FSTL5: variants seen among roughly 807,000 people sequenced by gnomAD.
FSTL5 encodes follistatin like 5.
Under a neutral mutation model 89.1 loss-of-function variants are expected in FSTL5, and 62 were observed. The ratio of observed to expected loss-of-function variants is 0.70; its 90% confidence interval spans 0.57 to 0.86. The LOEUF is 0.86. Ranked by LOEUF, FSTL5 falls within the 40% of genes least tolerant of loss-of-function variation. FSTL5 has a pLI of 0.00. For synonymous variants in FSTL5, 383 were observed against 346.2 expected, an observed-to-expected ratio of 1.11 and a Z score of -1.18; for missense variants, 1,057 against 1,001.6, an observed-to-expected ratio of 1.06 and a Z score of -0.75.
intron 4 of FSTL5, among the ~76,000 whole-genome samples, chr4:161,800,180 A>G (rs924708165): frequency 6.6e-6 from 1 of 151,756 alleles, no homozygotes; most frequent in African/African-American, 2.4e-5. Context: ...AAAACAGGTG[A>G]TCTCTTATTT....
intron 2 of FSTL5, among the ~76,000 whole-genome samples, chr4:162,063,760 C>T (rs778477028): frequency 5.9e-5 from 9 of 151,844 alleles, no homozygotes; most frequent in Non-Finnish European, 1.3e-4. Context: ...TGAATTATGA[C>T]AATAATGCTT....
At chr4:161,897,179 G>A (rs1211790772) in intron 4 of FSTL5, among the ~76,000 whole-genome samples, 2 of 151,536 alleles carry the variant, frequency 1.3e-5, no homozygotes, top group African/African-American at 2.4e-5. Context: ...TACTGTTCAT[G>A]AAATAAAAAA....
chr4:161,545,844 T>A (rs970776740), intron 8 of FSTL5, among the ~76,000 whole-genome samples: 4 of 151,848 alleles, frequency 2.6e-5, no homozygotes, highest in Admixed American at 6.6e-5. Context: ...GTTGATGAAA[T>A]CAAATTTGCT....
rs146643619 is a variant in FSTL5 at position 161,579,455 on chromosome 4, C to T, written c.1015+8000G>A. 1.2e-3 allele frequency among the ~76,000 whole-genome samples: 176 copies of T among 152,178 alleles called. 3 individuals are homozygous for T. The East Asian group carries it at 0.031, about 26-fold the overall frequency. ...GAATGAGGCTGGGCACGGTGGCTCA[C>T]ACTTGTAATCCCAGCACTTTGGGAA... On this transcript the variant is annotated intron_variant, in intron 8 of 15. Coordinates refer to ENST00000306100, the MANE Select transcript of FSTL5 (RefSeq NM_020116.5).
At chr4:161,557,380 A>G (rs1732430251) in intron 8 of FSTL5, among the ~76,000 whole-genome samples, 1 of 151,610 alleles carries the variant, frequency 6.6e-6, no homozygotes, top group South Asian at 2.1e-4. Context: ...TTTCATGACA[A>G]GCATACTAAA....
At chr4:161,864,863 T>G (rs1274534143) in intron 4 of FSTL5, among the ~76,000 whole-genome samples, 1 of 97,062 alleles carries the variant, frequency 1.0e-5, no homozygotes, top group Non-Finnish European at 2.0e-5. Context: ...AGAGCAAGAC[T>G]TCGTCTCAAA....
chr4:161,847,233 T>C (rs1454845935), intron 4 of FSTL5, among the ~76,000 whole-genome samples: 1 of 152,216 alleles, frequency 6.6e-6, no homozygotes, highest in Non-Finnish European at 1.5e-5. Context: ...TCCAAAGTTT[T>C]ATAAAGGATC....
intron 6 of FSTL5, among the ~76,000 whole-genome samples, chr4:161,679,535 A>T (rs888418996): frequency 6.6e-6 from 1 of 151,854 alleles, no homozygotes; most frequent in Non-Finnish European, 1.5e-5. Context: ...TTCCTACACT[A>T]TGTTGGCTCT....
chr4:162,139,853 T>C (rs1732657895), intron 1 of FSTL5, among the ~76,000 whole-genome samples: 1 of 152,084 alleles, frequency 6.6e-6, no homozygotes, highest in Non-Finnish European at 1.5e-5. Context: ...AAGGATGCCA[T>C]GAAGAGAGTA....
Position 161,421,130 on chromosome 4 carries a change from A to G in FSTL5, c.1841+33874T>C, listed in dbSNP as rs1453831351. Among the ~76,000 whole-genome samples, 3 of 152,220 alleles carry G rather than the reference A, an allele frequency of 2.0e-5. No homozygotes were observed. The South Asian group carries it at 6.2e-4, about 32-fold the overall frequency. ...GCCGAGGCAGGCGGATCACGAGGTC[A>G]GGAGATCGAGACCATCCTGGCTAAC... On this transcript the variant is annotated intron_variant, in intron 15 of 15. Transcript: ENST00000306100.
At chr4:161,913,977 C>T (rs778968365) in intron 4 of FSTL5, among the ~76,000 whole-genome samples, 2 of 152,158 alleles carry the variant, frequency 1.3e-5, no homozygotes, top group African/African-American at 4.8e-5. Flanking sequence ...TTAGTTAAAA[C>T]TTCGGGGGAC....
intron 3 of FSTL5, among the ~76,000 whole-genome samples, chr4:162,029,817 G>A (rs1243567061): frequency 1.3e-5 from 2 of 151,692 alleles, no homozygotes; most frequent in African/African-American, 4.8e-5. Flanking sequence ...TATGCTAAAT[G>A]TACCTAATGT....
At chr4:161,607,318 A>G (rs887056062) in intron 7 of FSTL5, among the ~76,000 whole-genome samples, 13 of 152,196 alleles carry the variant, frequency 8.5e-5, no homozygotes, top group African/African-American at 2.9e-4. Context: ...TTCTGTGTGC[A>G]GCTAGATGAC....
chr4:161,490,274 T>G (rs1176449385), intron 12 of FSTL5, among the ~76,000 whole-genome samples: 1 of 152,164 alleles, frequency 6.6e-6, no homozygotes, highest in Non-Finnish European at 1.5e-5. Context: ...TTTCTCCCCC[T>G]TAAATGTTTC....
chr4:161,713,967 A>G (rs1206668585), intron 6 of FSTL5, among the ~76,000 whole-genome samples: 2 of 152,312 alleles, frequency 1.3e-5, no homozygotes, highest in Middle Eastern at 3.4e-3. Context: ...TTCTTTACCC[A>G]TAACTGTGTG....
intron 2 of FSTL5, among the ~76,000 whole-genome samples, chr4:162,100,653 A>G (rs1453315501): frequency 6.6e-6 from 1 of 152,134 alleles, no homozygotes; most frequent in African/African-American, 2.4e-5. Flanking sequence ...ACCTATTACA[A>G]ACTATGAACT....
chr4:161,963,960 G>T (rs1031477652), intron 3 of FSTL5, among the ~76,000 whole-genome samples: 4 of 151,746 alleles, frequency 2.6e-5, no homozygotes, highest in Admixed American at 2.6e-4. Flanking sequence ...GAATTCTGAG[G>T]TTATATACAG....
In FSTL5 at chr4:161,897,395, C is replaced by T. The variant is rs1194974158; in HGVS notation, c.409+23009G>A. Among the ~76,000 whole-genome samples, 3 of 150,932 alleles carry T rather than the reference C, an allele frequency of 2.0e-5. No homozygotes were observed. In the East Asian group the frequency reaches 5.8e-4, roughly 29 times the overall value. ...GATACCTACAACTTGTTATATTTCA[C>T]AAAAGGGGAGTTTTTGCTTGATAAA... On this transcript the variant is annotated intron_variant, in intron 4 of 15. Transcript: ENST00000306100.
chr4:161,827,000 A>G (rs1730688749), intron 4 of FSTL5, among the ~76,000 whole-genome samples: 1 of 151,998 alleles, frequency 6.6e-6, no homozygotes, highest in African/African-American at 2.4e-5. Flanking sequence ...TTTATGCTTT[A>G]AAGATGTTCA....
Sources: allele counts gnomAD v4.1 joint callset (sites outside exome capture counted in the v4.1 genomes callset), GRCh38; gene constraint gnomAD v4.1.1; transcripts MANE v1.5; gene names NCBI Gene and HGNC (gene_info 2026-07-23, HGNC 2026-07-21).